AHI1: variants seen among roughly 807,000 people sequenced by gnomAD.
AHI1 encodes jouberin.
In AHI1, 123 loss-of-function variants were observed where a neutral mutation model predicts 149.3. That is an observed-to-expected ratio of 0.82 (90% CI 0.71 to 0.96). The LOEUF (loss-of-function observed/expected upper bound fraction) is 0.96, where lower values mean the gene tolerates loss of function less well. Among genes scored for constraint, AHI1 ranks in the 40% least tolerant of loss-of-function variants. The pLI is 0.00. For missense variants in AHI1, 1,439 were observed against 1,422.7 expected, an observed-to-expected ratio of 1.01 and a Z score of -0.18; for synonymous variants, 475 against 459.8, an observed-to-expected ratio of 1.03 and a Z score of -0.42.
At chr6:135,396,839 A>G (rs1214994334) in intron 22 of AHI1, among the ~76,000 whole-genome samples, 1 of 151,728 alleles carries the variant, frequency 6.6e-6, no homozygotes, top group Non-Finnish European at 1.5e-5. Flanking sequence ...ACATATATCC[A>G]TATCTATAGA....
chr6:135,487,353 G>A (rs1012595495), intron 5 of AHI1, among the ~76,000 whole-genome samples: 14 of 152,018 alleles, frequency 9.2e-5, no homozygotes, highest in African/African-American at 3.4e-4. Flanking sequence ...TCCTAAGCTA[G>A]GATGCTTTGC....
intron 23 of AHI1, among the ~76,000 whole-genome samples, chr6:135,373,794 T>C (rs887778666): frequency 1.1e-4 from 17 of 152,186 alleles, no homozygotes; most frequent in African/African-American, 3.6e-4. Context: ...AGCAATCTTA[T>C]GTATCATTAC....
At chr6:135,308,688 A>C (rs1276195004) in intron 26 of AHI1, among the ~76,000 whole-genome samples, 1 of 152,270 alleles carries the variant, frequency 6.6e-6, no homozygotes, top group Non-Finnish European at 1.5e-5. Flanking sequence ...CAGAGACTCA[A>C]ATCAGCTAAA....
At chr6:135,288,205 G>C (rs998926471) in intron 28 of AHI1, among the ~76,000 whole-genome samples, 1 of 152,060 alleles carries the variant, frequency 6.6e-6, no homozygotes, top group African/African-American at 2.4e-5. Context: ...ACCAGGCTAA[G>C]TGCAGGGGAG....
rs955546961 is a variant in AHI1, at chr6:135,431,332, A to AT, written c.2267-19dup. On this transcript the variant is annotated intron_variant, in intron 16 of 28. Coordinates refer to ENST00000265602, the MANE Select transcript of AHI1 (RefSeq NM_001134831.2). ...ATGATGACCTATTTAAAAAAATAAG[A>AT]TCACTCACTTATGAATGTCACACAG... 40 of 1,465,348 alleles carry AT rather than the reference A, an allele frequency of 2.7e-5. No individual in the cohort carries two copies. The highest frequency in any genetic ancestry group is 1.7e-4 in the Middle Eastern group (1 of 5,800). The allele number at this position is 1,465,348 out of a possible 1,614,324, so 90.8% of individuals were successfully genotyped here.
At chr6:135,453,964 T>G (rs1489159904) in intron 10 of AHI1, among the ~76,000 whole-genome samples, 1 of 152,140 alleles carries the variant, frequency 6.6e-6, no homozygotes, top group Non-Finnish European at 1.5e-5. Context: ...AGAGATCGTA[T>G]TCTAGATATT....
In AHI1 at chr6:135,438,260, G is replaced by A. The variant is rs1049374337; in HGVS notation, c.2036+115C>T. ...GTCTGCATGATGCATATTTATGACA[G>A]TCCCTTCTTGGGAAAATACGACTGG... On this transcript the variant is annotated intron_variant, in intron 15 of 28. Coordinates refer to ENST00000265602, the MANE Select transcript of AHI1 (RefSeq NM_001134831.2). 5.0e-6 allele frequency: 5 copies of A among 1,010,056 alleles called. No homozygotes were observed. In the South Asian group the frequency reaches 1.8e-4, roughly 36 times the overall value. 62.6% of individuals were successfully genotyped at this position (1,010,056 alleles called of 1,614,324 possible).
chr6:135,463,708 C>T (rs971272006), intron 7 of AHI1, among the ~76,000 whole-genome samples: 1 of 151,932 alleles, frequency 6.6e-6, no homozygotes, highest in African/African-American at 2.4e-5. Context: ...AGGTTTGTTC[C>T]GTCTTCAAGA....
At chr6:135,446,886 G>A (rs1405819482) in intron 13 of AHI1, 122 bp downstream of exon 13, 1 of 1,043,786 alleles carries the variant, frequency 9.6e-7, no homozygotes, top group African/African-American at 1.6e-5. Flanking sequence ...GCAAAATTGT[G>A]GTTAAAAACA....
At chr6:135,429,059 T>G (rs1784293952) in intron 18 of AHI1, among the ~76,000 whole-genome samples, 1 of 151,600 alleles carries the variant, frequency 6.6e-6, no homozygotes, top group South Asian at 2.1e-4. Context: ...ACAAGAGAAA[T>G]TAATTCTAGC....
Position 135,411,365 on chromosome 6 carries a change from T to C in AHI1, c.2944A>G (p.Arg982Gly), listed in dbSNP as rs1554326426. Residue 982 changes from arginine (R) to glycine (G), a missense_variant, in exon 21 of 29, where the codon AGG (arginine) becomes GGG (glycine). Transcript: ENST00000265602. ...SSTKMQLVKQ[R>G]LETVTEVIRS... is the part of the protein sequence containing the mutation. ...AAACTTACTGTGACAGTTTCAAGCC[T>C]CTGTTTTACTAGCTGCATCTTCGTT... 3.7e-6 allele frequency: 6 copies of C among 1,613,700 alleles called. No homozygotes were observed. Among genetic ancestry groups the C allele is most frequent in the Non-Finnish European group, 5.1e-6 (6 of 1,179,636 alleles).
rs761976492 is a variant in AHI1 at position 135,394,777 on chromosome 6, G to T, written c.3108C>A (p.Thr1036=). 6.2e-7 allele frequency: 1 copy of T among 1,610,068 alleles called. No homozygotes were observed. Among genetic ancestry groups the T allele is most frequent in the Non-Finnish European group, 8.5e-7 (1 of 1,177,784 alleles). Residue 1036 remains threonine (T), a splice_region_variant and synonymous_variant, in exon 23 of 29, where the codon ACC becomes ACA. Coordinates refer to ENST00000265602, the MANE Select transcript of AHI1 (RefSeq NM_001134831.2). ...EILHQFGFTQ[T]GIISIERKPC... Reference sequence around the variant, plus strand: ...TGTCAAAGTAAGAAAGGGGCTCACCGGTCTGAGTGAAACCAAACTGATGTA... The same window carrying T: ...TGTCAAAGTAAGAAAGGGGCTCACCTGTCTGAGTGAAACCAAACTGATGTA...
At chr6:135,488,151 T>C (rs981772207) in intron 5 of AHI1, among the ~76,000 whole-genome samples, 1 of 152,172 alleles carries the variant, frequency 6.6e-6, no homozygotes, top group African/African-American at 2.4e-5. Context: ...AACAAAAGAA[T>C]TTTCTAGATA....
intron 8 of AHI1, among the ~76,000 whole-genome samples, chr6:135,461,839 A>C (rs1789940614): frequency 6.6e-6 from 1 of 152,074 alleles, no homozygotes; most frequent in Non-Finnish European, 1.5e-5. Context: ...CACAAGGAGC[A>C]CAGTATTTAT....
chr6:135,351,135 C>CAAAAAAAAAAAAAAAAAAAAA (rs1183574427), intron 24 of AHI1, among the ~76,000 whole-genome samples: 13 of 131,352 alleles, frequency 9.9e-5, no homozygotes, highest in African/African-American at 4.0e-4. Flanking sequence ...AAACAAAAAA[C>CAAAAAAAAAAAAAAAAAAAAA]AAAAAAAACA....
At chr6:135,385,801 C>CAAAACA (rs1007782083) in intron 23 of AHI1, among the ~76,000 whole-genome samples, 2 of 151,978 alleles carry the variant, frequency 1.3e-5, no homozygotes, top group African/African-American at 2.4e-5. Context: ...CAGCCTGCCA[C>CAAAACA]AAAACAAAAA....
intron 20 of AHI1, among the ~76,000 whole-genome samples, chr6:135,417,301 C>CA (rs1402405864): frequency 1.3e-5 from 2 of 151,832 alleles, no homozygotes; most frequent in Non-Finnish European, 2.9e-5. Context: ...GTGTACCTAC[C>CA]AACCATGATT....
intron 21 of AHI1, among the ~76,000 whole-genome samples, chr6:135,405,845 G>T (rs1780699120): frequency 7.2e-6 from 1 of 138,028 alleles, no homozygotes. Flanking sequence ...GGGCGACAGA[G>T]TGAGACTCCA....
chr6:135,400,877 C>T (rs532932798), intron 22 of AHI1, among the ~76,000 whole-genome samples: 40 of 152,244 alleles, frequency 2.6e-4, no homozygotes, highest in African/African-American at 9.4e-4. Flanking sequence ...TCTCCTCCAG[C>T]CTGTTTTTTT....
Sources: gnomAD v4.1 joint callset for allele counts (sites outside exome capture counted in the v4.1 genomes callset) on GRCh38, gnomAD v4.1.1 for gene constraint, MANE v1.5 for transcripts, NCBI Gene and HGNC (gene_info 2026-07-23, HGNC 2026-07-21) for gene names.